Variants in LRRTM4 observed in about 807,000 individuals in gnomAD.
LRRTM4 encodes leucine-rich repeat transmembrane neuronal protein 4.
LRRTM4 carries 25 observed loss-of-function variants against 47.6 expected under a neutral mutation model. That is an observed-to-expected ratio of 0.53 (90% CI 0.38 to 0.73). The LOEUF (loss-of-function observed/expected upper bound fraction) is 0.73, where lower values mean the gene tolerates loss of function less well. Ranked by LOEUF, LRRTM4 falls within the 30% of genes least tolerant of loss-of-function variation. The probability of loss-of-function intolerance (pLI) is 0.00; values close to 1 mark genes in which losing one functional copy is unlikely to be tolerated. For synonymous variants in LRRTM4, 311 were observed against 269.5 expected, an observed-to-expected ratio of 1.15 and a Z score of -1.51; for missense variants, 638 against 713.4, an observed-to-expected ratio of 0.89 and a Z score of 1.20.
intron 3 of LRRTM4, among the ~76,000 whole-genome samples, chr2:76,854,219 C>T (rs529803620): frequency 3.9e-5 from 6 of 152,210 alleles, no homozygotes; most frequent in African/African-American, 1.4e-4. Flanking sequence ...TTGTAGTCTT[C>T]TGTGAAACTA....
chr2:76,945,543 A>C (rs17013387), intron 3 of LRRTM4, among the ~76,000 whole-genome samples: 35,934 of 151,944 alleles, frequency 0.24, 5,222 homozygotes, highest in African/African-American at 0.41. Flanking sequence ...ACAGAAAAAG[A>C]AGCAGCATTT....
At chr2:76,758,757 T>G (rs1426004916) in intron 3 of LRRTM4, among the ~76,000 whole-genome samples, 2 of 152,180 alleles carry the variant, frequency 1.3e-5, no homozygotes, top group African/African-American at 4.8e-5. Context: ...CATTTATTTA[T>G]GTATTCATTT....
chr2:77,197,670 A>G (rs1336820866), intron 3 of LRRTM4, among the ~76,000 whole-genome samples: 2 of 152,162 alleles, frequency 1.3e-5, no homozygotes, highest in Non-Finnish European at 2.9e-5. Context: ...TATTTTTATG[A>G]TTTTGCAACC....
chr2:76,810,568 A>G (rs553094777), intron 3 of LRRTM4, among the ~76,000 whole-genome samples: 1 of 152,290 alleles, frequency 6.6e-6, no homozygotes, highest in South Asian at 2.1e-4. Context: ...GTATTAATAC[A>G]GGTTAATGAA....
intron 3 of LRRTM4, among the ~76,000 whole-genome samples, chr2:77,373,713 T>C (rs1284525146): frequency 1.3e-5 from 2 of 151,742 alleles, no homozygotes; most frequent in African/African-American, 4.8e-5. Flanking sequence ...CCCTCCTTCA[T>C]TTTTAAAGCT....
intron 3 of LRRTM4, among the ~76,000 whole-genome samples, chr2:76,949,401 C>T (rs1675428461): frequency 6.6e-6 from 1 of 151,864 alleles, no homozygotes; most frequent in South Asian, 2.1e-4. Flanking sequence ...CAATACAGAG[C>T]TCAATATAAT....
At chr2:77,027,447 C>A (rs1210951295) in intron 3 of LRRTM4, among the ~76,000 whole-genome samples, 19 of 152,130 alleles carry the variant, frequency 1.2e-4, no homozygotes, top group Admixed American at 1.2e-3. Context: ...GTTTTAGAAG[C>A]ATTAAAATTC....
intron 3 of LRRTM4, among the ~76,000 whole-genome samples, chr2:76,781,742 C>A (rs1166447733): frequency 7.5e-6 from 1 of 132,986 alleles, no homozygotes; most frequent in East Asian, 1.9e-4. Flanking sequence ...GAGCTATAGA[C>A]CGGAGCTGTT....
At chr2:76,933,896 A>G (rs1437817303) in intron 3 of LRRTM4, among the ~76,000 whole-genome samples, 1 of 152,150 alleles carries the variant, frequency 6.6e-6, no homozygotes, top group Non-Finnish European at 1.5e-5. Flanking sequence ...CCAAATTTAC[A>G]TGCTTTCCTT....
chr2:76,854,213 A>G (rs1411106466), intron 3 of LRRTM4, among the ~76,000 whole-genome samples: 1 of 152,168 alleles, frequency 6.6e-6, no homozygotes, highest in Admixed American at 6.6e-5. Flanking sequence ...TTACTTTTGT[A>G]GTCTTCTGTG....
chr2:76,941,060 C>T (rs1462286202), intron 3 of LRRTM4, among the ~76,000 whole-genome samples: 2 of 151,884 alleles, frequency 1.3e-5, no homozygotes, highest in Non-Finnish European at 2.9e-5. Flanking sequence ...TTTGATTTGT[C>T]TTTCAACAGA....
At chr2:76,843,671 T>C (rs747944259) in intron 3 of LRRTM4, among the ~76,000 whole-genome samples, 2 of 152,260 alleles carry the variant, frequency 1.3e-5, no homozygotes, top group Admixed American at 1.3e-4. Context: ...TAATACTATT[T>C]CTGGGATATG....
chr2:77,074,063 A>G (rs1680253683), intron 3 of LRRTM4, among the ~76,000 whole-genome samples: 1 of 152,106 alleles, frequency 6.6e-6, no homozygotes, highest in East Asian at 1.9e-4. Context: ...TCTTCTTATA[A>G]ATTTTCAATA....
chr2:76,838,880 T>C lies in LRRTM4; in HGVS notation c.1552-89964A>G, dbSNP rs1321482325. Among the ~76,000 whole-genome samples the C allele has an allele frequency of 5.3e-5, 8 of 152,238 alleles. No homozygotes were observed. In the East Asian group the frequency reaches 1.4e-3, roughly 26 times the overall value. On this transcript the variant is annotated intron_variant, in intron 3 of 3. Transcript: ENST00000409884. ...TATTATACATTTCATAATTCGTTAT[T>C]TAAGGACACTGTTTTTAGTCACAAA...
intron 3 of LRRTM4, among the ~76,000 whole-genome samples, chr2:77,035,558 A>G (rs925274105): frequency 2.0e-5 from 3 of 151,906 alleles, no homozygotes; most frequent in African/African-American, 7.2e-5. Flanking sequence ...TTTTCTTTTA[A>G]CATAAACCCA....
At chr2:77,244,039 C>A (rs539421491) in intron 3 of LRRTM4, among the ~76,000 whole-genome samples, 4 of 127,436 alleles carry the variant, frequency 3.1e-5, no homozygotes, top group Middle Eastern at 3.8e-3. Context: ...TTTGTTCTTG[C>A]GATAGTTTAC....
At chr2:77,279,258 T>A (rs1008929216) in intron 3 of LRRTM4, among the ~76,000 whole-genome samples, 40 of 152,050 alleles carry the variant, frequency 2.6e-4, no homozygotes, top group African/African-American at 9.2e-4. Context: ...TTAAGTCTTA[T>A]CAGGGGACAG....
At chr2:77,119,980 A>T (rs1671484523) in intron 3 of LRRTM4, among the ~76,000 whole-genome samples, 1 of 151,758 alleles carries the variant, frequency 6.6e-6, no homozygotes. Flanking sequence ...TAACACATAA[A>T]TACCTATGCT....
At chr2:77,165,424 T>A (rs1235942349) in intron 3 of LRRTM4, among the ~76,000 whole-genome samples, 2 of 152,048 alleles carry the variant, frequency 1.3e-5, no homozygotes, top group African/African-American at 4.8e-5. Flanking sequence ...ACTATTCCAA[T>A]CAGTAGAAAA....
Sources: allele counts gnomAD v4.1 joint callset (sites outside exome capture counted in the v4.1 genomes callset), GRCh38; gene constraint gnomAD v4.1.1; transcripts MANE v1.5; gene names NCBI Gene and HGNC (gene_info 2026-07-23, HGNC 2026-07-21).